ERG: variants seen among roughly 807,000 people sequenced by gnomAD.
ERG encodes ETS transcription factor ERG.
In ERG, 9 loss-of-function variants were observed where a neutral mutation model predicts 55.3. The observed-to-expected ratio is 0.16, with a 90% CI of 0.10 to 0.28. The LOEUF is 0.28. ERG is among the 10% of genes least tolerant of loss of function. ERG has a pLI of 1.00. For synonymous variants in ERG, 223 were observed against 237.3 expected (o/e 0.94, Z 0.55); for missense variants, 434 against 631.6 (o/e 0.69, Z 3.35).
chr21:38,594,643 T>TGG (rs2146900215), intron 1 of ERG, among the ~76,000 whole-genome samples: 1 of 152,238 alleles, frequency 6.6e-6, no homozygotes, highest in African/African-American at 2.4e-5. Flanking sequence ...ACTGGAATCA[T>TGG]CTGAAGGAGA....
chr21:38,421,315 A>G (rs1170134859), intron 3 of ERG, among the ~76,000 whole-genome samples: 1 of 152,180 alleles, frequency 6.6e-6, no homozygotes, highest in Non-Finnish European at 1.5e-5. Flanking sequence ...AGTCTTAAAA[A>G]ATGCTTTGAA....
chr21:38,621,945 A>G (rs1337165552), intron 1 of ERG, among the ~76,000 whole-genome samples: 1 of 152,218 alleles, frequency 6.6e-6, no homozygotes, highest in Non-Finnish European at 1.5e-5. Flanking sequence ...GCGAAGTTAC[A>G]GGAGACAGAG....
chr21:38,591,296 T>C (rs1044132520), intron 1 of ERG, among the ~76,000 whole-genome samples: 9 of 152,200 alleles, frequency 5.9e-5, no homozygotes, highest in African/African-American at 1.2e-4. Context: ...AAAAATGTTG[T>C]AGGAGCCTGA....
chr21:38,565,839 T>G (rs2059919563), intron 2 of ERG, among the ~76,000 whole-genome samples: 2 of 152,332 alleles, frequency 1.3e-5, no homozygotes, highest in East Asian at 1.9e-4. Context: ...GGAAGCTTCA[T>G]GCAGGCGGGG....
chr21:38,454,374 C>T (rs572019422), intron 1 of ERG, among the ~76,000 whole-genome samples: 219 of 152,276 alleles, frequency 1.4e-3, no homozygotes, highest in Non-Finnish European at 2.5e-3. Context: ...TTAACCCTTT[C>T]CTGCCCCAAG....
intron 2 of ERG, among the ~76,000 whole-genome samples, chr21:38,543,489 G>T (rs1298562965): frequency 2.6e-5 from 4 of 151,820 alleles, no homozygotes; most frequent in Non-Finnish European, 5.9e-5. Context: ...TCTACAATGG[G>T]CATATATGAC....
intron 1 of ERG, among the ~76,000 whole-genome samples, chr21:38,602,920 T>C (rs1457322921): frequency 6.6e-6 from 1 of 151,876 alleles, no homozygotes; most frequent in African/African-American, 2.4e-5. Context: ...GCAAACCACA[T>C]TGAAAAAGTT....
intron 1 of ERG, chr21:38,450,934 G>C (rs967094316): frequency 4.4e-6 from 2 of 455,906 alleles, no homozygotes; most frequent in Non-Finnish European, 8.8e-6. Flanking sequence ...AGTGCGATTA[G>C]AGAAGTAACA....
At chr21:38,566,092 C>T (rs1165670823) in intron 2 of ERG, among the ~76,000 whole-genome samples, 2 of 152,112 alleles carry the variant, frequency 1.3e-5, no homozygotes, top group Non-Finnish European at 2.9e-5. Context: ...CAGATACTTC[C>T]TGGAGAAGTA....
At chr21:38,521,126 C>T (rs1348591927) in intron 2 of ERG, among the ~76,000 whole-genome samples, 9 of 152,046 alleles carry the variant, frequency 5.9e-5, no homozygotes, top group African/African-American at 1.7e-4. Flanking sequence ...AGCACAGAGT[C>T]GAGGAGGAGG....
At chr21:38,401,188 A>G (rs1988472803) in intron 5 of ERG, among the ~76,000 whole-genome samples, 1 of 152,278 alleles carries the variant, frequency 6.6e-6, no homozygotes, top group South Asian at 2.1e-4. Flanking sequence ...AGTTCAGTCC[A>G]TTTGGAATTT....
chr21:38,658,725 C>T lies in ERG; in HGVS notation c.-150+2933G>A, dbSNP rs561639561. 5.9e-5 allele frequency among the ~76,000 whole-genome samples: 9 copies of T among 152,320 alleles called. No homozygotes were observed. The South Asian group carries it at 1.9e-3, about 32-fold the overall frequency. ...GACGTCTTTCAGAGATGCTTTCCTT[C>T]TTACTTATGTATCTGGTATTCCATT... On this transcript the variant is annotated intron_variant, in intron 1 of 10. Coordinates refer to the ERG transcript ENST00000398910.
intron 9 of ERG, 143 bp downstream of exon 9, chr21:38,390,852 T>C (rs1024966141): frequency 2.9e-6 from 2 of 678,792 alleles, no homozygotes; most frequent in Non-Finnish European, 5.3e-6. Context: ...AACCCATCTT[T>C]CCATTAAGGC....
At chr21:38,471,854 G>C (rs1361658380) in intron 1 of ERG, 5 of 152,164 alleles carry the variant, frequency 3.3e-5, no homozygotes, top group Non-Finnish European at 7.3e-5. Flanking sequence ...AAACCTATTT[G>C]TGGAAAATAC....
chr21:38,645,004 T>C (rs2060447476), intron 1 of ERG, among the ~76,000 whole-genome samples: 1 of 151,932 alleles, frequency 6.6e-6, no homozygotes, highest in Admixed American at 6.6e-5. Context: ...AAAAATATTT[T>C]AAAACTTAGC....
At chr21:38,492,649 C>T (rs2059346384) in intron 1 of ERG, among the ~76,000 whole-genome samples, 1 of 152,118 alleles carries the variant, frequency 6.6e-6, no homozygotes. Flanking sequence ...TCACACTCAA[C>T]AACAAACACA....
chr21:38,515,952 T>C (rs974373169), intron 2 of ERG, among the ~76,000 whole-genome samples: 1 of 151,992 alleles, frequency 6.6e-6, no homozygotes, highest in Non-Finnish European at 1.5e-5. Context: ...GTAAAAGCTC[T>C]CAACAAACTA....
At chr21:38,551,136 A>G (rs2059821572) in intron 2 of ERG, among the ~76,000 whole-genome samples, 1 of 148,674 alleles carries the variant, frequency 6.7e-6, no homozygotes, top group African/African-American at 2.5e-5. Context: ...GTGCACAGAA[A>G]TGTTTTTTAA....
At chr21:38,642,565 A>T (rs2146972178) in intron 1 of ERG, among the ~76,000 whole-genome samples, 1 of 152,322 alleles carries the variant, frequency 6.6e-6, no homozygotes, top group African/African-American at 2.4e-5. Flanking sequence ...CAACTTTTGC[A>T]TAGGTTTCAT....
Sources: gnomAD v4.1 joint callset for allele counts (sites outside exome capture counted in the v4.1 genomes callset) on GRCh38, gnomAD v4.1.1 for gene constraint, MANE v1.5 for transcripts, NCBI Gene and HGNC (gene_info 2026-07-23, HGNC 2026-07-21) for gene names.